Variants in MAPT observed in about 807,000 individuals in gnomAD.
MAPT encodes microtubule associated protein tau.
MAPT carries 34 observed loss-of-function variants against 67.9 expected under a neutral mutation model. That is an observed-to-expected ratio of 0.50 (90% confidence interval 0.38 to 0.67). MAPT has a LOEUF of 0.67. MAPT is among the 30% of genes least tolerant of loss of function. The pLI is 0.00. For missense variants in MAPT, 881 were observed against 1,115.2 expected (o/e 0.79, Z 2.99); for synonymous variants, 456 against 464.5 (o/e 0.98, Z 0.23).
intron 1 of MAPT, among the ~76,000 whole-genome samples, chr17:45,930,528 A>G (rs1332021774): frequency 6.6e-6 from 1 of 152,216 alleles, no homozygotes; most frequent in Non-Finnish European, 1.5e-5. Flanking sequence ...AAGTGGGATT[A>G]TATCCTCACA....
At chr17:45,903,853 T>TATTATATATTTATATATTATA (rs2063822636) in intron 1 of MAPT, among the ~76,000 whole-genome samples, 1 of 43,434 alleles carries the variant, frequency 2.3e-5, no homozygotes, top group South Asian at 5.9e-4. Flanking sequence ...ATATATTATA[T>TATTATATATTTATATATTATA]ATTATATATA....
At chr17:46,015,363 TAAA>T (rs72169174) in intron 11 of MAPT, among the ~76,000 whole-genome samples, 21,608 of 130,092 alleles carry the variant, frequency 0.17, 2,083 homozygotes, top group Middle Eastern at 0.3. Context: ...GTCTCAAAAA[TAAA>T]AATAAAAATA....
At chr17:46,015,282 C>T (rs949276019) in intron 11 of MAPT, among the ~76,000 whole-genome samples, 1 of 151,606 alleles carries the variant, frequency 6.6e-6, no homozygotes, top group African/African-American at 2.4e-5. Context: ...ATCACTTGAA[C>T]CTGGGAGGCA....
intron 6 of MAPT, among the ~76,000 whole-genome samples, chr17:45,987,409 G>T (rs1204687454): frequency 6.6e-6 from 1 of 152,192 alleles, no homozygotes; most frequent in East Asian, 1.9e-4. Flanking sequence ...GACAGTAAAT[G>T]AAGGTGTGTT....
intron 9 of MAPT, among the ~76,000 whole-genome samples, chr17:46,000,788 G>A (rs2074938146): frequency 6.6e-6 from 1 of 152,196 alleles, no homozygotes; most frequent in African/African-American, 2.4e-5. Context: ...CCTATTTGCA[G>A]TTTCCAAGTG....
chr17:45,937,870 A>G (rs1045168031), intron 1 of MAPT, among the ~76,000 whole-genome samples: 1 of 152,164 alleles, frequency 6.6e-6, no homozygotes, highest in African/African-American at 2.4e-5. Flanking sequence ...GAGGACTTAG[A>G]CAAGCACCCT....
intron 3 of MAPT, 26 bp from the exon 4 acceptor site, chr17:45,978,349 C>A (rs750675551): frequency 1.3e-6 from 2 of 1,588,456 alleles, no homozygotes; most frequent in South Asian, 1.1e-5. Context: ...CTTTTACCCC[C>A]CTTCATTTGC....
chr17:45,951,046 CAAGGAAT>C (rs1340000498), intron 1 of MAPT, among the ~76,000 whole-genome samples: 3 of 152,206 alleles, frequency 2.0e-5, no homozygotes, highest in Admixed American at 2.0e-4. Context: ...TCCCATTACC[CAAGGAAT>C]GAAGCACGGA....
chr17:45,983,579 T>C lies in MAPT; in HGVS notation c.1000T>C (p.Phe334Leu). The C allele has an allele frequency of 6.2e-7, 1 of 1,613,134 alleles. No individual in the cohort carries two copies. The highest frequency in any genetic ancestry group is 1.1e-5 in the South Asian group (1 of 91,084). The change falls in exon 5 of 13, where the codon TTC becomes CTC. Residue 334 changes from phenylalanine to leucine, a missense_variant. This residue lies in a region of MAPT where 687 missense variants were observed against 766.1 expected (regional missense o/e 0.90). Coordinates refer to ENST00000262410, the MANE Select transcript of MAPT (RefSeq NM_001377265.1). ...CAGAGAAGCCACCAGCATCCCAGGC[T>C]TCCCAGCGGAGGGTGCCATCCCCCT... is the stretch of plus-strand genomic sequence containing the variant. ...AAREATSIPG[F>L]PAEGAIPLPV...
chr17:45,977,574 C>T (rs1161449573), intron 3 of MAPT: 1 of 152,064 alleles, frequency 6.6e-6, no homozygotes, highest in Non-Finnish European at 1.5e-5. Context: ...GTTTTTAAAG[C>T]CTATTGATTT....
At chr17:45,966,434 C>T (rs2071088303) in intron 2 of MAPT, among the ~76,000 whole-genome samples, 1 of 151,966 alleles carries the variant, frequency 6.6e-6, no homozygotes, top group African/African-American at 2.4e-5. Context: ...AAAAAAATCA[C>T]AAAAATTAGC....
In MAPT at chr17:45,971,492, T is replaced by C. The variant is rs1454104213; in HGVS notation, c.134-367T>C. Reference sequence around the variant, plus strand: ...TCTACTTGTTGTTAATTAATAGCAATGACAAAGCAGAAGGTTCATGCGTAG... The same window carrying C: ...TCTACTTGTTGTTAATTAATAGCAACGACAAAGCAGAAGGTTCATGCGTAG... On this transcript the variant is annotated intron_variant, in intron 2 of 12. Coordinates refer to ENST00000262410, the MANE Select transcript of MAPT (RefSeq NM_001377265.1). This position sits in a 1 kb window ranked among gnomAD's most constrained non-coding sequence, Gnocchi z 4.3. Among the ~76,000 whole-genome samples, 1 of 152,206 alleles carries C rather than the reference T, an allele frequency of 6.6e-6. No homozygotes were observed. The highest frequency in any genetic ancestry group is 1.5e-5 in the Non-Finnish European group (1 of 68,040).
chr17:45,901,553 A>G (rs1040108550), intron 1 of MAPT, among the ~76,000 whole-genome samples: 2 of 152,220 alleles, frequency 1.3e-5, no homozygotes, highest in Admixed American at 6.5e-5. Context: ...CCATGTATCC[A>G]ATAAGTATAG....
At chr17:45,950,246 C>T (rs1000165676) in intron 1 of MAPT, among the ~76,000 whole-genome samples, 2 of 152,144 alleles carry the variant, frequency 1.3e-5, no homozygotes, top group Non-Finnish European at 2.9e-5. Flanking sequence ...CCAAACAGCA[C>T]GCAGCATTCC....
chr17:45,993,824 C>T (rs1179935297), intron 8 of MAPT: 17 of 1,257,762 alleles, frequency 1.4e-5, no homozygotes, highest in Non-Finnish European at 1.6e-5. Context: ...AGAATGGGGC[C>T]CCTGCTGGGC....
chr17:46,006,811 T>A (rs560110327), intron 9 of MAPT, among the ~76,000 whole-genome samples: 1 of 151,954 alleles, frequency 6.6e-6, no homozygotes, highest in South Asian at 2.1e-4. Flanking sequence ...TAGTCCCAGC[T>A]ACTCGGGAGG....
At chr17:45,936,684 G>A (rs554423813) in intron 1 of MAPT, among the ~76,000 whole-genome samples, 39 of 152,262 alleles carry the variant, frequency 2.6e-4, no homozygotes, top group African/African-American at 8.4e-4. Flanking sequence ...ACTAATGGAC[G>A]GGTCTGAATT....
chr17:45,903,194 C>T (rs2063730604), intron 1 of MAPT, among the ~76,000 whole-genome samples: 1 of 152,142 alleles, frequency 6.6e-6, no homozygotes, highest in Non-Finnish European at 1.5e-5. Context: ...CGGTGCTCCT[C>T]CCCCAGCGTA....
In MAPT at chr17:46,017,440, ATTTTTTTTTTT is replaced by A. The variant is rs76980614; in HGVS notation, c.2174-1158_2174-1148del. The stretch of plus-strand genomic sequence containing the variant: ...AGGCACATGCCAACATGCCTGGCTA[ATTTTTTTTTTT>A]TTTTTTTTTTTTTTTTTTTGAGATG... On this transcript the variant is annotated intron_variant, in intron 11 of 12. Coordinates refer to ENST00000262410, the MANE Select transcript of MAPT (RefSeq NM_001377265.1). 2.4e-4 allele frequency among the ~76,000 whole-genome samples: 15 copies of A among 63,002 alleles called. 2 individuals carry two copies. Among genetic ancestry groups the A allele is most frequent in the Middle Eastern group, 0.013 (1 of 78 alleles). 41.3% of individuals were successfully genotyped at this position (63,002 alleles called of 152,430 possible).
Sources: allele counts gnomAD v4.1 joint callset (sites outside exome capture counted in the v4.1 genomes callset), GRCh38; gene constraint gnomAD v4.1.1; regional missense constraint gnomAD v4.1.1; non-coding constraint Gnocchi (gnomAD v3.1); transcripts MANE v1.5; gene names NCBI Gene and HGNC (gene_info 2026-07-23, HGNC 2026-07-21).